The following HEPH variants were observed in gnomAD, a reference collection of about 807,000 sequenced individuals.
HEPH encodes hephaestin.
HEPH carries 69 observed loss-of-function variants against 80.8 expected under a neutral mutation model. The ratio of observed to expected loss-of-function variants is 0.85; its 90% CI spans 0.70 to 1.04. The LOEUF is 1.04. HEPH is among the 50% of genes least tolerant of loss of function. The pLI is 0.00. For missense variants in HEPH, 1,115 were observed against 891.3 expected (o/e 1.25, Z -3.20); for synonymous variants, 431 against 322.8 (o/e 1.34, Z -3.60).
chrX:66,242,588 G>C (rs1355956170), intron 15 of HEPH, among the ~76,000 whole-genome samples: 1 of 111,634 alleles, frequency 9.0e-6, no homozygotes, highest in Non-Finnish European at 1.9e-5. Context: ...CCTACAGAAT[G>C]GGAGAAAATA....
intron 15 of HEPH, among the ~76,000 whole-genome samples, chrX:66,240,871 A>T (rs769286602): frequency 8.9e-6 from 1 of 112,119 alleles, no homozygotes; most frequent in East Asian, 2.8e-4. Context: ...ACACATAGTC[A>T]TCAGATCCTG....
intron 15 of HEPH, among the ~76,000 whole-genome samples, chrX:66,220,258 T>G (rs2089585069): frequency 9.0e-6 from 1 of 111,434 alleles, no homozygotes; most frequent in Non-Finnish European, 1.9e-5. Context: ...CAAAAACAAA[T>G]TTCTTGTTTT....
chrX:66,232,883 T>C (rs1010340830), intron 15 of HEPH, among the ~76,000 whole-genome samples: 3 of 110,541 alleles, frequency 2.7e-5, no homozygotes, highest in Non-Finnish European at 5.7e-5. Context: ...GAAAAGCTTT[T>C]GCTCTGTCAT....
intron 15 of HEPH, among the ~76,000 whole-genome samples, chrX:66,240,597 A>T (rs367850040): frequency 3.9e-4 from 43 of 110,957 alleles, no homozygotes; most frequent in African/African-American, 1.3e-3. Context: ...AGAAAATCTT[A>T]AAAAAACAGA....
intron 15 of HEPH, among the ~76,000 whole-genome samples, chrX:66,228,098 G>T (rs965441115): frequency 1.8e-5 from 2 of 111,581 alleles, no homozygotes; most frequent in African/African-American, 3.3e-5. Context: ...CCATGCAGCT[G>T]GGGAGACCTC....
chrX:66,206,606 A>T (rs1359947518), intron 13 of HEPH, among the ~76,000 whole-genome samples: 1 of 108,224 alleles, frequency 9.2e-6, no homozygotes, highest in Non-Finnish European at 1.9e-5. Context: ...AGCTTAAGCA[A>T]TCTACCGGCC....
intron 17 of HEPH, among the ~76,000 whole-genome samples, chrX:66,258,013 A>G (rs930715608): frequency 8.9e-6 from 1 of 112,013 alleles, no homozygotes; most frequent in African/African-American, 3.2e-5. Flanking sequence ...TATTAATTCT[A>G]TGCATTAATG....
intron 15 of HEPH, among the ~76,000 whole-genome samples, chrX:66,233,086 A>G (rs1032191494): frequency 8.9e-6 from 1 of 112,115 alleles, no homozygotes; most frequent in African/African-American, 3.2e-5. Context: ...AAAATGCAGC[A>G]TATTATAAAC....
chrX:66,172,396 G>A lies in HEPH; in HGVS notation c.209G>A (p.Gly70Glu). 1 of 1,198,608 alleles carries A rather than the reference G, an allele frequency of 8.3e-7. No homozygotes were observed. ...SFLKSDKNRI[G>E]GTYKKTIYKE... ...TTAAAGTCTGACAAGAACCGGATAG[G>A]GGGAACCTACAAGAAGACCATCTAT... The change falls in exon 3 of 21, where the codon GGG (glycine) becomes GAG (glutamate). Residue 70 changes from glycine to glutamate, a missense_variant. Transcript: ENST00000343002.
intron 15 of HEPH, among the ~76,000 whole-genome samples, chrX:66,241,092 A>G (rs754665746): frequency 8.9e-6 from 1 of 112,239 alleles, no homozygotes; most frequent in Admixed American, 9.5e-5. Flanking sequence ...CCTGTCTCAC[A>G]AGAGGTCCTT....
chrX:66,200,392 G>A (rs1405034199), intron 11 of HEPH, 148 bp from the exon 12 acceptor site: 3 of 460,867 alleles, frequency 6.5e-6, no homozygotes, highest in Non-Finnish European at 1.1e-5. Context: ...AGTTAAAGTG[G>A]CATAGAGAGG....
chrX:66,245,980 C>T (rs905352446), intron 15 of HEPH, among the ~76,000 whole-genome samples: 2 of 112,430 alleles, frequency 1.8e-5, no homozygotes, highest in Non-Finnish European at 3.8e-5. Flanking sequence ...CAGGCAGAGG[C>T]TGCAGTTGCA....
At chrX:66,247,711 G>A (rs1017155132) in intron 15 of HEPH, among the ~76,000 whole-genome samples, 1 of 111,383 alleles carries the variant, frequency 9.0e-6, no homozygotes, top group Non-Finnish European at 1.9e-5. Context: ...AATGAAAATA[G>A]GGAGTATCAA....
intron 13 of HEPH, among the ~76,000 whole-genome samples, chrX:66,205,480 T>C (rs1415749007): frequency 8.9e-6 from 1 of 112,395 alleles, no homozygotes; most frequent in Non-Finnish European, 1.9e-5. Flanking sequence ...CCACATTTTC[T>C]TTATCCAGTC....
intron 13 of HEPH, among the ~76,000 whole-genome samples, chrX:66,204,534 T>C (rs983226332): frequency 1.8e-5 from 2 of 112,486 alleles, no homozygotes; most frequent in Non-Finnish European, 3.8e-5. Flanking sequence ...AAAACAAAAA[T>C]CCATGGAATG....
intron 8 of HEPH, among the ~76,000 whole-genome samples, chrX:66,194,397 A>T (rs2087975748): frequency 9.0e-6 from 1 of 111,286 alleles, no homozygotes; most frequent in Non-Finnish European, 1.9e-5. Flanking sequence ...CTTTGAGATG[A>T]GGTGAAACAT....
At chrX:66,233,825 A>G (rs1449127931) in intron 15 of HEPH, among the ~76,000 whole-genome samples, 1 of 111,402 alleles carries the variant, frequency 9.0e-6, no homozygotes, top group Non-Finnish European at 1.9e-5. Context: ...GATTTTCAGA[A>G]TTCACTGGTC....
intron 15 of HEPH, among the ~76,000 whole-genome samples, chrX:66,249,300 CCTTA>C (rs963826854): frequency 2.7e-5 from 3 of 111,608 alleles, no homozygotes; most frequent in Non-Finnish European, 3.8e-5. Flanking sequence ...TGAGCTGAAG[CCTTA>C]CTTATTTCAT....
intron 15 of HEPH, among the ~76,000 whole-genome samples, chrX:66,232,190 C>A (rs947264825): frequency 9.0e-6 from 1 of 111,228 alleles, no homozygotes; most frequent in Non-Finnish European, 1.9e-5. Flanking sequence ...CAGTATTTTA[C>A]TGAGGATTTT....
Sources: gnomAD v4.1 joint callset for allele counts (sites outside exome capture counted in the v4.1 genomes callset) on GRCh38, gnomAD v4.1.1 for gene constraint, MANE v1.5 for transcripts, NCBI Gene and HGNC (gene_info 2026-07-23, HGNC 2026-07-21) for gene names.